The following PHKB variants were observed in gnomAD, a reference collection of about 807,000 sequenced individuals.
PHKB encodes the protein phosphorylase b kinase regulatory subunit beta.
Under a neutral mutation model 152.1 loss-of-function variants are expected in PHKB, and 122 were observed. The observed-to-expected ratio is 0.80, with a 90% CI of 0.69 to 0.93. The LOEUF (loss-of-function observed/expected upper bound fraction) is 0.93. Ranked by LOEUF, PHKB falls within the 40% of genes least tolerant of loss-of-function variation. The pLI, the probability that PHKB is intolerant of heterozygous loss-of-function variation, is 0.00. For synonymous variants in PHKB, 436 were observed against 464.9 expected (o/e 0.94, Z 0.80); for missense variants, 1,304 against 1,328.4 (o/e 0.98, Z 0.29).
chr16:47,681,066 G>A (rs1040464911), intron 26 of PHKB, among the ~76,000 whole-genome samples: 6 of 152,174 alleles, frequency 3.9e-5, no homozygotes, highest in Non-Finnish European at 7.3e-5. Flanking sequence ...CAGTTTCCAT[G>A]TAGTTGAGCG....
chr16:47,545,986 T>C (rs902312935), intron 6 of PHKB, among the ~76,000 whole-genome samples: 1 of 152,200 alleles, frequency 6.6e-6, no homozygotes, highest in Admixed American at 6.5e-5. Flanking sequence ...TAGTTAGCCA[T>C]TCATATAATC....
chr16:47,499,970 G>A lies in PHKB; in HGVS notation c.305+76G>A, dbSNP rs146954082. The A allele has an allele frequency of 9.1e-6, 14 of 1,532,650 alleles. 1 individual carries two copies. In the East Asian group the frequency reaches 1.1e-4, roughly 12 times the overall value. The allele number at this position is 1,532,650 out of a possible 1,614,324, so 94.9% of individuals were successfully genotyped here. On this transcript the variant is annotated intron_variant, in intron 3 of 30. Coordinates refer to ENST00000323584, the MANE Select transcript of PHKB (RefSeq NM_000293.3). ...TTGTAGGACCAAGACTAATTGAGCC[G>A]CTATCTTTTGGCTCTGCTGCTGACT...
intron 14 of PHKB, among the ~76,000 whole-genome samples, chr16:47,626,414 G>T (rs1972711170): frequency 6.6e-6 from 1 of 152,212 alleles, no homozygotes; most frequent in Non-Finnish European, 1.5e-5. Flanking sequence ...TGAGCATCAA[G>T]TGCCAAAGAA....
intron 7 of PHKB, among the ~76,000 whole-genome samples, chr16:47,556,688 T>C (rs1157023355): frequency 3.9e-5 from 6 of 152,218 alleles, no homozygotes; most frequent in African/African-American, 1.4e-4. Context: ...TCATTGAGGA[T>C]TTTTGCATCA....
chr16:47,555,271 T>C (rs1410977501), intron 7 of PHKB, among the ~76,000 whole-genome samples: 1 of 152,256 alleles, frequency 6.6e-6, no homozygotes, highest in Non-Finnish European at 1.5e-5. Context: ...CTTGTATTTT[T>C]TGAAACCATA....
rs1332890107 is a variant in PHKB, at chr16:47,566,170, T to A, written c.711-14125T>A. The A allele has an allele frequency of 5.9e-6, 4 of 676,160 alleles. No individual in the cohort carries two copies. In the Admixed American group the frequency reaches 6.6e-5, roughly 11 times the overall value. The allele number at this position is 676,160 out of a possible 1,614,324, so 41.9% of individuals were successfully genotyped here. On this transcript the variant is annotated intron_variant, in intron 7 of 30. Transcript: ENST00000323584. ...CAGTCGCCGTATCAATCCATATCCC[T>A]GCATGGGCCATCCCAATACTCATCA...
At chr16:47,523,451 G>A (rs539315077) in intron 6 of PHKB, among the ~76,000 whole-genome samples, 2 of 152,308 alleles carry the variant, frequency 1.3e-5, no homozygotes, top group South Asian at 2.1e-4. Context: ...TGCTTTGAAC[G>A]AATCAGTCTC....
At chr16:47,622,660 T>C (rs1167731731) in intron 14 of PHKB, among the ~76,000 whole-genome samples, 2 of 152,212 alleles carry the variant, frequency 1.3e-5, no homozygotes, top group Non-Finnish European at 2.9e-5. Context: ...CCATTTAATA[T>C]GCCAATTAAA....
At chr16:47,600,933 C>T (rs1972212452) in intron 13 of PHKB, among the ~76,000 whole-genome samples, 1 of 152,142 alleles carries the variant, frequency 6.6e-6, no homozygotes, top group Non-Finnish European at 1.5e-5. Flanking sequence ...GGCTTGAGCC[C>T]AGGAGTTCGC....
intron 14 of PHKB, among the ~76,000 whole-genome samples, chr16:47,613,085 A>T (rs986274828): frequency 6.6e-6 from 1 of 152,194 alleles, no homozygotes; most frequent in African/African-American, 2.4e-5. Context: ...AGTTTCTGAA[A>T]ATGGTAGAAG....
chr16:47,693,832 T>C (rs891594915), intron 28 of PHKB, among the ~76,000 whole-genome samples: 1 of 152,210 alleles, frequency 6.6e-6, no homozygotes, highest in Non-Finnish European at 1.5e-5. Flanking sequence ...ATATTCCCTT[T>C]TTAAAAACCA....
chr16:47,625,942 G>A (rs888412807), intron 14 of PHKB, among the ~76,000 whole-genome samples: 3 of 152,104 alleles, frequency 2.0e-5, no homozygotes, highest in Admixed American at 6.5e-5. Context: ...TAAGAGCATC[G>A]TATTTAATAT....
chr16:47,623,487 T>G (rs1454412975), intron 14 of PHKB, among the ~76,000 whole-genome samples: 1 of 117,426 alleles, frequency 8.5e-6, no homozygotes, highest in African/African-American at 4.5e-5. Context: ...TTGAACTTGG[T>G]TTTTTTTTTT....
intron 14 of PHKB, among the ~76,000 whole-genome samples, chr16:47,634,168 A>G (rs531761459): frequency 2.7e-4 from 41 of 152,352 alleles, no homozygotes; most frequent in African/African-American, 8.9e-4. Flanking sequence ...CAATTTATAG[A>G]TGAGGAAACT....
chr16:47,648,759 A>G, intron 17 of PHKB, 143 bp downstream of exon 17: 1 of 692,436 alleles, frequency 1.4e-6, no homozygotes. Flanking sequence ...GCTAGTAAAC[A>G]TTACTTATTT....
chr16:47,671,761 C>T (rs979144343), intron 26 of PHKB, among the ~76,000 whole-genome samples: 5 of 152,004 alleles, frequency 3.3e-5, no homozygotes, highest in East Asian at 1.9e-4. Context: ...CAGCATTATC[C>T]GAAATAGTGA....
intron 14 of PHKB, among the ~76,000 whole-genome samples, chr16:47,629,204 A>G (rs1461079201): frequency 2.0e-5 from 3 of 152,154 alleles, no homozygotes; most frequent in South Asian, 2.1e-4. Flanking sequence ...GCTTCTGCAC[A>G]GCAAAAGAAA....
intron 10 of PHKB, among the ~76,000 whole-genome samples, chr16:47,593,008 T>C (rs1172019615): frequency 6.6e-6 from 1 of 151,508 alleles, no homozygotes; most frequent in Non-Finnish European, 1.5e-5. Context: ...CCCAGCACTT[T>C]GGGAGGCCAA....
intron 3 of PHKB, among the ~76,000 whole-genome samples, chr16:47,500,608 C>A (rs975668686): frequency 7.9e-5 from 12 of 152,040 alleles, no homozygotes; most frequent in African/African-American, 2.7e-4. Flanking sequence ...GGTCAGAATT[C>A]TTTTCCCCTA....
Sources: gnomAD v4.1 joint callset for allele counts (sites outside exome capture counted in the v4.1 genomes callset) on GRCh38, gnomAD v4.1.1 for gene constraint, MANE v1.5 for transcripts, NCBI Gene and HGNC (gene_info 2026-07-23, HGNC 2026-07-21) for gene names.